The following IL15 variants were observed in gnomAD, a reference collection of about 807,000 sequenced individuals.
IL15 encodes the protein interleukin-15.
Under a neutral mutation model 19.6 loss-of-function variants are expected in IL15, and 11 were observed. The ratio of observed to expected loss-of-function variants is 0.56; its 90% confidence interval spans 0.35 to 0.93. The LOEUF is 0.93. Among genes scored for constraint, IL15 ranks in the 40% least tolerant of loss-of-function variants. The pLI is 0.01. For missense variants in IL15, 197 were observed against 186.5 expected, an observed-to-expected ratio of 1.06 and a Z score of -0.33; for synonymous variants, 58 against 59.6, an observed-to-expected ratio of 0.97 and a Z score of 0.12.
At chr4:141,656,981 T>C (rs1463279271) in intron 2 of IL15, among the ~76,000 whole-genome samples, 1 of 152,186 alleles carries the variant, frequency 6.6e-6, no homozygotes, top group Non-Finnish European at 1.5e-5. Context: ...ATGATGGAGA[T>C]ATGTTCTAAG....
Position 141,732,992 on chromosome 4 carries a change from A to G in IL15, c.*144A>G. On this transcript the variant is annotated 3_prime_UTR_variant, in exon 8 of 8. Coordinates refer to ENST00000320650, the MANE Select transcript of IL15 (RefSeq NM_000585.5). The stretch of plus-strand genomic sequence containing the variant: ...GATGATCAGACCTTGGATCAGATGA[A>G]CTCTTAGAAATGAAGGCAGAAAAAT... 1 of 1,304,612 alleles carries G rather than the reference A, an allele frequency of 7.7e-7. No individual in the cohort carries two copies. Among genetic ancestry groups the G allele is most frequent in the Non-Finnish European group, 1.0e-6 (1 of 993,632 alleles). 80.8% of individuals were successfully genotyped at this position (1,304,612 alleles called of 1,614,324 possible).
intron 2 of IL15, chr4:141,718,719 G>A (rs964987569): frequency 1.3e-5 from 2 of 152,060 alleles, no homozygotes; most frequent in Admixed American, 1.3e-4. Flanking sequence ...TATGTCATGG[G>A]TTGTGGCAGA....
chr4:141,648,202 G>C (rs1288411144), intron 1 of IL15, among the ~76,000 whole-genome samples: 1 of 152,026 alleles, frequency 6.6e-6, no homozygotes, highest in East Asian at 1.9e-4. Context: ...GGGTCAGGAA[G>C]GGAAATAGAA....
At chr4:141,700,336 G>A (rs1365920692) in intron 2 of IL15, among the ~76,000 whole-genome samples, 1 of 152,146 alleles carries the variant, frequency 6.6e-6, no homozygotes, top group Non-Finnish European at 1.5e-5. Flanking sequence ...TTCCCTCAGT[G>A]TTTGTTTGTC....
At chr4:141,708,755 G>C (rs2152185070) in intron 2 of IL15, among the ~76,000 whole-genome samples, 1 of 152,224 alleles carries the variant, frequency 6.6e-6, no homozygotes, top group African/African-American at 2.4e-5. Flanking sequence ...GTGCTCTCCA[G>C]CATACTTCCT....
intron 1 of IL15, 123 bp from the exon 2 acceptor site, chr4:141,656,063 C>CA: frequency 2.5e-6 from 1 of 394,570 alleles, no homozygotes; most frequent in East Asian, 3.6e-5. Context: ...CAGTTTTCTC[C>CA]ATATGAGTCT....
At chr4:141,647,458 T>G (rs570522318) in intron 1 of IL15, among the ~76,000 whole-genome samples, 1 of 152,014 alleles carries the variant, frequency 6.6e-6, no homozygotes, top group South Asian at 2.1e-4. Context: ...AGTAAAGAAT[T>G]ATTGGTTAAA....
chr4:141,719,309 C>T (rs1493013), intron 2 of IL15, 57 bp from the exon 3 acceptor site: 321,590 of 527,180 alleles, frequency 0.61, 101,208 homozygotes, highest in East Asian at 0.94. Context: ...TTAATTCCCT[C>T]CCTTTCTTTT....
intron 2 of IL15, among the ~76,000 whole-genome samples, chr4:141,657,986 A>T (rs112153707): frequency 2.2e-3 from 328 of 152,312 alleles, no homozygotes; most frequent in African/African-American, 7.1e-3. Flanking sequence ...GTGTGTTTCC[A>T]CCAGCATCAC....
At chr4:141,724,578 T>TAAG (rs3043128) in intron 5 of IL15, among the ~76,000 whole-genome samples, 120,789 of 151,676 alleles carry the variant, frequency 0.8, 48,671 homozygotes, top group East Asian at 0.99. Flanking sequence ...TTGACAGAAA[T>TAAG]AAGAGAGAAG....
At chr4:141,718,496 G>T (rs1291332826) in intron 2 of IL15, 1 of 152,084 alleles carries the variant, frequency 6.6e-6, no homozygotes, top group East Asian at 1.9e-4. Context: ...TATGTAACAG[G>T]AATATTAGAT....
At chr4:141,661,284 G>C (rs1262757729) in intron 2 of IL15, among the ~76,000 whole-genome samples, 1 of 152,184 alleles carries the variant, frequency 6.6e-6, no homozygotes, top group African/African-American at 2.4e-5. Context: ...ATTCTAAGAA[G>C]GAAAGAGCCC....
intron 2 of IL15, among the ~76,000 whole-genome samples, chr4:141,666,313 G>A (rs541648429): frequency 3.3e-5 from 5 of 151,814 alleles, no homozygotes; most frequent in Admixed American, 6.5e-5. Context: ...AAGCCGAGGC[G>A]GTCGGATCAC....
At chr4:141,693,657 T>G (rs1448310167) in intron 2 of IL15, among the ~76,000 whole-genome samples, 1 of 152,206 alleles carries the variant, frequency 6.6e-6, no homozygotes, top group Non-Finnish European at 1.5e-5. Flanking sequence ...GAAAGATACT[T>G]CTAGATAGTG....
intron 6 of IL15, 115 bp downstream of exon 6, chr4:141,728,099 T>C (rs1730328918): frequency 1.7e-6 from 1 of 589,802 alleles, no homozygotes; most frequent in Non-Finnish European, 2.9e-6. Flanking sequence ...GGTGTGTTTC[T>C]ATAATATATG....
chr4:141,704,216 A>G (rs1222073733), intron 2 of IL15, among the ~76,000 whole-genome samples: 2 of 152,172 alleles, frequency 1.3e-5, no homozygotes, highest in African/African-American at 2.4e-5. Context: ...ACTGAGATAC[A>G]TTCCTTCTAT....
At chr4:141,641,254 T>G (rs1370874668) in intron 1 of IL15, among the ~76,000 whole-genome samples, 1 of 152,228 alleles carries the variant, frequency 6.6e-6, no homozygotes, top group Admixed American at 6.5e-5. Context: ...GTTGTGAAAA[T>G]TATTCTAGCT....
intron 3 of IL15, 40 bp from the exon 4 acceptor site, chr4:141,720,429 C>T (rs1469266461): frequency 8.6e-6 from 9 of 1,046,198 alleles, no homozygotes; most frequent in Non-Finnish European, 1.3e-5. Context: ...CACTTTTTAA[C>T]TAAAAAATTT....
At chr4:141,717,007 T>C (rs766270266) in intron 2 of IL15, 1 of 152,198 alleles carries the variant, frequency 6.6e-6, no homozygotes, top group African/African-American at 2.4e-5. Context: ...GATAGCTTAT[T>C]TTGATTTCAC....
Sources: allele counts gnomAD v4.1 joint callset (sites outside exome capture counted in the v4.1 genomes callset), GRCh38; gene constraint gnomAD v4.1.1; transcripts MANE v1.5; gene names NCBI Gene and HGNC (gene_info 2026-07-23, HGNC 2026-07-21).